GLYATL1: variants seen among roughly 807,000 people sequenced by gnomAD.
GLYATL1 encodes the protein glycine N-acyltransferase-like protein 1.
A neutral mutation model predicts 20.0 loss-of-function variants in GLYATL1; 15 were observed. That is an observed-to-expected ratio of 0.75 (90% CI 0.50 to 1.15). The LOEUF is 1.15. GLYATL1 is among the 50% of genes most tolerant of loss of function. The pLI, the probability that GLYATL1 is intolerant of heterozygous loss-of-function variation, is 0.00. For missense variants in GLYATL1, 380 were observed against 368.5 expected (o/e 1.03, Z -0.26); for synonymous variants, 151 against 131.5 (o/e 1.15, Z -1.01).
At chr11:58,930,234 G>T (rs1274221045) in intron 1 of GLYATL1, among the ~76,000 whole-genome samples, 1 of 152,174 alleles carries the variant, frequency 6.6e-6, no homozygotes, top group African/African-American at 2.4e-5. Context: ...TTCTTAGGCA[G>T]ATTAAGGGCA....
At chr11:58,951,586 G>C (rs571948615) in intron 4 of GLYATL1, among the ~76,000 whole-genome samples, 5 of 151,892 alleles carry the variant, frequency 3.3e-5, no homozygotes, top group African/African-American at 1.2e-4. Context: ...ACCATTTTTC[G>C]ACAATTTTGG....
chr11:58,951,304 G>A (rs977037611), intron 4 of GLYATL1, among the ~76,000 whole-genome samples: 1 of 151,978 alleles, frequency 6.6e-6, no homozygotes, highest in African/African-American at 2.4e-5. Context: ...TCTTAAATAA[G>A]TCATTCCCTA....
At chr11:58,905,712 GGACCGGGA>G in intron 1 of GLYATL1, 1 of 428,144 alleles carries the variant, frequency 2.3e-6, no homozygotes, top group Non-Finnish European at 4.7e-6. Context: ...GGGATCGCTG[GGACCGGGA>G]TGGGTCATCT....
chr11:58,917,549 C>G (rs1855204553), intron 1 of GLYATL1, among the ~76,000 whole-genome samples: 1 of 152,246 alleles, frequency 6.6e-6, no homozygotes, highest in African/African-American at 2.4e-5. Context: ...TTACATGTGA[C>G]TCTTGCTATA....
intron 4 of GLYATL1, among the ~76,000 whole-genome samples, chr11:58,949,621 A>G (rs930881420): frequency 1.3e-5 from 2 of 152,180 alleles, no homozygotes; most frequent in Non-Finnish European, 2.9e-5. Context: ...GTTAGTTTTT[A>G]CAGTGAGTCA....
At chr11:58,947,797 C>A in intron 3 of GLYATL1, 61 bp from the exon 4 acceptor site, 1 of 1,152,924 alleles carries the variant, frequency 8.7e-7, no homozygotes, top group Non-Finnish European at 1.3e-6. Context: ...TTCCTCTTCA[C>A]AACCAGATCC....
At chr11:58,948,314 A>G (rs1259460531) in intron 4 of GLYATL1, among the ~76,000 whole-genome samples, 4 of 152,132 alleles carry the variant, frequency 2.6e-5, no homozygotes, top group Non-Finnish European at 5.9e-5. Flanking sequence ...TGGCTTAGAA[A>G]CAGAAACCAA....
At position 58,955,251 on chromosome 11, in the gene GLYATL1, C is replaced by G. The variant is rs1325002716; in HGVS notation, c.389C>G (p.Ala130Gly). The G allele has an allele frequency of 3.1e-6, 5 of 1,613,864 alleles. No homozygotes were observed. Among genetic ancestry groups the G allele is most frequent in the Non-Finnish European group, 4.2e-6 (5 of 1,179,864 alleles). ...TCAGTGAAAGTAGAGCATTCGAGAG[C>G]ACTCCTCTTGGTTACGGAAGATATT... is the stretch of plus-strand genomic sequence containing the variant. ...SKSVKVEHSRALLLVTEDILK... is the reference protein window; with the variant it reads ...SKSVKVEHSRGLLLVTEDILK... Residue 130 changes from alanine to glycine, a missense_variant, in exon 6 of 7, where the codon GCA becomes GGA. Transcript: ENST00000532726.
In GLYATL1 at chr11:58,954,899, AACG is replaced by A; in HGVS notation, c.313+5_313+7del. On this transcript the variant is annotated splice_donor_5th_base_variant and intron_variant, in intron 5 of 6. Transcript: ENST00000532726. ...GAAACAGAGACTCCAAATCCAAGGT[AACG>A]AGTCTGAAGAAATGGGCAAGCAGCT... The A allele has an allele frequency of 6.2e-7, 1 of 1,605,016 alleles. No individual in the cohort carries two copies. Among genetic ancestry groups the A allele is most frequent in the Non-Finnish European group, 8.5e-7 (1 of 1,177,468 alleles).
chr11:58,943,547 T>G lies in GLYATL1; in HGVS notation c.-162T>G, dbSNP rs1455180621. On this transcript the variant is annotated 5_prime_UTR_variant, in exon 2 of 7. Transcript: ENST00000532726. ...CTGAAGTTTTTCTTTTATCAGATGG[T>G]GTCACAAGAAGGATCTGAAGTGGAG... 1 of 1,611,380 alleles carries G rather than the reference T, an allele frequency of 6.2e-7. No individual in the cohort carries two copies. The highest frequency in any genetic ancestry group is 8.5e-7 in the Non-Finnish European group (1 of 1,178,780).
At chr11:58,942,854 G>A (rs1418524896) in intron 1 of GLYATL1, among the ~76,000 whole-genome samples, 10 of 152,130 alleles carry the variant, frequency 6.6e-5, no homozygotes, top group Non-Finnish European at 4.4e-5. Context: ...CCACAGAGGA[G>A]ACTGAGAAAA....
chr11:58,953,535 A>G (rs891227772), intron 4 of GLYATL1, among the ~76,000 whole-genome samples: 1 of 150,794 alleles, frequency 6.6e-6, no homozygotes, highest in African/African-American at 2.4e-5. Context: ...CCTTTGCACT[A>G]TGTCTTGTTC....
intron 1 of GLYATL1, chr11:58,905,798 A>G (rs975951069): frequency 1.0e-5 from 4 of 384,738 alleles, no homozygotes; most frequent in Non-Finnish European, 2.1e-5. Flanking sequence ...CCCGCCCGCG[A>G]GCGCGTGCGC....
Position 58,955,954 on chromosome 11 carries a change from A to T in GLYATL1, c.836A>T (p.Gln279Leu). The change falls in exon 7 of 7, where the codon CAG (glutamine) becomes CTG (leucine). Residue 279 changes from glutamine (Q) to leucine (L), a missense_variant. Coordinates refer to ENST00000532726, the MANE Select transcript of GLYATL1 (RefSeq NM_001389712.2). ...GAAGACTCCCGCAGATTTGTGGGGC[A>T]GTTTGGTTTCTTTGAGGCCTCCTGT... ...ENEDSRRFVG[Q>L]FGFFEASCEW... 1 of 1,614,196 alleles carries T rather than the reference A, an allele frequency of 6.2e-7. No homozygotes were observed. Among genetic ancestry groups the T allele is most frequent in the Non-Finnish European group, 8.5e-7 (1 of 1,179,990 alleles).
At position 58,920,930 on chromosome 11, in the gene GLYATL1, G is replaced by A. The variant is rs114864271; in HGVS notation, n.264+15269G>A. Among the ~76,000 whole-genome samples the A allele has an allele frequency of 4.6e-3, 702 of 152,306 alleles. 7 individuals carry two copies. The highest frequency in any genetic ancestry group is 0.016 in the African/African-American group (657 of 41,560). On this transcript the variant is annotated intron_variant and non_coding_transcript_variant, in intron 1 of 2. Transcript: ENST00000534674. ...TGCCTGGACAAGTATGCCACCAGGC[G>A]ATGCCAAGATCCTATGACTTGAGTC...
chr11:58,949,714 G>A (rs867336067), intron 4 of GLYATL1, among the ~76,000 whole-genome samples: 3 of 151,758 alleles, frequency 2.0e-5, no homozygotes, highest in Middle Eastern at 3.2e-3. Flanking sequence ...AATGAAATAC[G>A]CTGCAATTTA....
At chr11:58,928,128 G>A (rs774433346) in intron 1 of GLYATL1, among the ~76,000 whole-genome samples, 2 of 152,192 alleles carry the variant, frequency 1.3e-5, no homozygotes, top group African/African-American at 2.4e-5. Flanking sequence ...ACAGCAATTT[G>A]TCTAGCATGC....
At chr11:58,929,374 T>C (rs542420228) in intron 1 of GLYATL1, among the ~76,000 whole-genome samples, 10 of 152,334 alleles carry the variant, frequency 6.6e-5, no homozygotes, top group African/African-American at 2.4e-4. Flanking sequence ...TATGTATATA[T>C]AGAAATTTTA....
chr11:58,907,385 G>C (rs1159571956), exon 2 of GLYATL1: 1 of 456,282 alleles, frequency 2.2e-6, no homozygotes. Context: ...GTCTGCTGGA[G>C]TGGAATTTAG....
Sources: allele counts gnomAD v4.1 joint callset (sites outside exome capture counted in the v4.1 genomes callset), GRCh38; gene constraint gnomAD v4.1.1; transcripts MANE v1.5; gene names NCBI Gene and HGNC (gene_info 2026-07-23, HGNC 2026-07-21).